The following RASAL2 variants were observed in gnomAD, a reference collection of about 807,000 sequenced individuals.
The protein encoded by RASAL2 is ras GTPase-activating protein nGAP.
RASAL2 carries 58 observed loss-of-function variants against 128.9 expected under a neutral mutation model. The observed-to-expected ratio is 0.45, with a 90% CI of 0.36 to 0.56. The LOEUF (loss-of-function observed/expected upper bound fraction) is 0.56, where lower values mean the gene tolerates loss of function less well. Ranked by LOEUF, RASAL2 falls within the 20% of genes least tolerant of loss-of-function variation. The probability of loss-of-function intolerance (pLI) is 0.00; values close to 1 mark genes in which losing one functional copy is unlikely to be tolerated. For synonymous variants in RASAL2, 561 were observed against 580.8 expected (o/e 0.97, Z 0.49); for missense variants, 1,360 against 1,601.6 (o/e 0.85, Z 2.57).
chr1:178,322,055 A>G lies in RASAL2; in HGVS notation c.457+21937A>G, dbSNP rs528944847. Among the ~76,000 whole-genome samples the G allele has an allele frequency of 3.3e-5, 5 of 150,884 alleles. No individual in the cohort carries two copies. The South Asian group carries it at 1.1e-3, about 32-fold the overall frequency. ...ACCGTGTTGCCCAGGCTGGTCTCAA[A>G]CTCCTCACCTCAAGTGATACTCCCA... On this transcript the variant is annotated intron_variant, in intron 3 of 17. Transcript: ENST00000367649.
chr1:178,233,412 C>A (rs975363765), intron 1 of RASAL2, among the ~76,000 whole-genome samples: 1 of 152,078 alleles, frequency 6.6e-6, no homozygotes, highest in Non-Finnish European at 1.5e-5. Context: ...ATGGTGTGGT[C>A]CAGTGAAAAG....
chr1:178,118,165 A>T (rs528643091), intron 1 of RASAL2, among the ~76,000 whole-genome samples: 19 of 151,280 alleles, frequency 1.3e-4, no homozygotes, highest in Non-Finnish European at 2.2e-4. Flanking sequence ...CTCTGTTTAA[A>T]AAAAAAAAAA....
chr1:178,420,872 G>A (rs1572043185), intron 5 of RASAL2, among the ~76,000 whole-genome samples: 1 of 152,116 alleles, frequency 6.6e-6, no homozygotes, highest in Non-Finnish European at 1.5e-5. Context: ...AGCTATTTCT[G>A]TAGAATCAAG....
At chr1:178,188,077 A>G (rs1376793713) in intron 1 of RASAL2, among the ~76,000 whole-genome samples, 2 of 152,164 alleles carry the variant, frequency 1.3e-5, no homozygotes, top group Non-Finnish European at 2.9e-5. Flanking sequence ...AAGTTATGGA[A>G]CTTTTCAGCT....
intron 3 of RASAL2, among the ~76,000 whole-genome samples, chr1:178,350,214 C>T (rs1166838881): frequency 6.6e-6 from 1 of 152,084 alleles, no homozygotes; most frequent in Non-Finnish European, 1.5e-5. Context: ...TGTCCCCCAG[C>T]CTTCTCTCTC....
chr1:178,372,176 T>C (rs1468796419), intron 3 of RASAL2: 3 of 985,286 alleles, frequency 3.0e-6, no homozygotes, highest in Middle Eastern at 5.2e-4. Context: ...AGTCTCTGTA[T>C]CCTTTTTTTC....
intron 3 of RASAL2, among the ~76,000 whole-genome samples, chr1:178,363,912 C>G (rs537991717): frequency 2.0e-5 from 3 of 151,946 alleles, no homozygotes; most frequent in Admixed American, 6.6e-5. Flanking sequence ...CTGGCTAACA[C>G]GGTGAAACCC....
At chr1:178,457,195 T>G (rs139818826) in intron 13 of RASAL2, among the ~76,000 whole-genome samples, 56 of 152,370 alleles carry the variant, frequency 3.7e-4, no homozygotes, top group African/African-American at 1.2e-3. Context: ...CTGTACGTTA[T>G]AGCATTCAAA....
At chr1:178,253,532 A>G (rs1665157023) in intron 1 of RASAL2, among the ~76,000 whole-genome samples, 1 of 152,168 alleles carries the variant, frequency 6.6e-6, no homozygotes. Flanking sequence ...GCTTTGTGTG[A>G]ACAATAAGGC....
intron 3 of RASAL2, among the ~76,000 whole-genome samples, chr1:178,346,511 G>A (rs539862094): frequency 6.6e-6 from 1 of 152,184 alleles, no homozygotes; most frequent in South Asian, 2.1e-4. Flanking sequence ...AAATGTCACT[G>A]TAGTTTCCTG....
chr1:178,438,102 T>TTGTGTG (rs58641965), intron 5 of RASAL2, among the ~76,000 whole-genome samples: 2,767 of 142,110 alleles, frequency 0.019, 37 homozygotes, highest in African/African-American at 0.038. Context: ...AAATGGTGGC[T>TTGTGTG]TGTGTGTGTG....
At chr1:178,182,645 T>C (rs974291254) in intron 1 of RASAL2, among the ~76,000 whole-genome samples, 1 of 152,170 alleles carries the variant, frequency 6.6e-6, no homozygotes, top group Non-Finnish European at 1.5e-5. Context: ...GGCATATCTG[T>C]AAACTCCCAC....
intron 1 of RASAL2, among the ~76,000 whole-genome samples, chr1:178,112,909 T>G (rs915459955): frequency 1.3e-5 from 2 of 151,714 alleles, no homozygotes; most frequent in Non-Finnish European, 2.9e-5. Context: ...TAAAGTATAA[T>G]AGTAAAAGAA....
chr1:178,152,934 C>T (rs776068705), intron 1 of RASAL2, among the ~76,000 whole-genome samples: 67 of 152,220 alleles, frequency 4.4e-4, no homozygotes, highest in Admixed American at 8.5e-4. Context: ...ATTATTATAT[C>T]CCTCCAAATT....
intron 1 of RASAL2, chr1:178,121,060 T>C (rs1659700610): frequency 6.6e-6 from 1 of 152,202 alleles, no homozygotes; most frequent in Non-Finnish European, 1.5e-5. Context: ...TCCTCAAGTT[T>C]TCATACTACA....
intron 5 of RASAL2, among the ~76,000 whole-genome samples, chr1:178,430,700 T>C (rs923378726): frequency 6.6e-6 from 1 of 152,080 alleles, no homozygotes; most frequent in South Asian, 2.1e-4. Context: ...TCTACACATA[T>C]CTTAAATGAG....
At chr1:178,468,072 T>C (rs1647919651) in intron 17 of RASAL2, among the ~76,000 whole-genome samples, 1 of 152,170 alleles carries the variant, frequency 6.6e-6, no homozygotes. Context: ...ACCAATGACA[T>C]AAAGGCTGCC....
At chr1:178,400,459 T>C (rs1557959113) in intron 4 of RASAL2, among the ~76,000 whole-genome samples, 1 of 152,124 alleles carries the variant, frequency 6.6e-6, no homozygotes, top group Non-Finnish European at 1.5e-5. Context: ...GAGTGTACAT[T>C]ATCCATTATA....
At chr1:178,367,965 T>G (rs1247920797) in intron 3 of RASAL2, among the ~76,000 whole-genome samples, 1 of 152,180 alleles carries the variant, frequency 6.6e-6, no homozygotes, top group Non-Finnish European at 1.5e-5. Flanking sequence ...TGCCTTTTTT[T>G]GTAAAAAAAT....
Sources: gnomAD v4.1 joint callset for allele counts (sites outside exome capture counted in the v4.1 genomes callset) on GRCh38, gnomAD v4.1.1 for gene constraint, MANE v1.5 for transcripts, NCBI Gene and HGNC (gene_info 2026-07-23, HGNC 2026-07-21) for gene names.